Variants in NEGR1 observed in about 807,000 individuals in gnomAD.
NEGR1 encodes the protein neuronal growth regulator 1, also known as IgLON family member 4.
Under a neutral mutation model 40.9 loss-of-function variants are expected in NEGR1, and 10 were observed. That is an observed-to-expected ratio of 0.24 (90% confidence interval 0.15 to 0.42). The LOEUF (loss-of-function observed/expected upper bound fraction) is 0.42, where lower values mean the gene tolerates loss of function less well. Among genes scored for constraint, NEGR1 ranks in the 10% least tolerant of loss-of-function variants. NEGR1 has a pLI of 1.00. For missense variants in NEGR1, 352 were observed against 438.9 expected, an observed-to-expected ratio of 0.80 and a Z score of 1.77; for synonymous variants, 185 against 166.8, an observed-to-expected ratio of 1.11 and a Z score of -0.84.
chr1:71,528,836 A>T (rs1248299242), intron 6 of NEGR1, among the ~76,000 whole-genome samples: 1 of 151,260 alleles, frequency 6.6e-6, no homozygotes, highest in East Asian at 1.9e-4. Flanking sequence ...GTCAACGGGA[A>T]CTAGATTGTT....
intron 6 of NEGR1, among the ~76,000 whole-genome samples, chr1:71,559,097 T>A (rs368376863): frequency 6.7e-6 from 1 of 149,070 alleles, no homozygotes; most frequent in East Asian, 2.0e-4. Flanking sequence ...CAACATGACT[T>A]CATATTCATA....
chr1:71,552,566 A>G (rs2101470590), intron 6 of NEGR1, among the ~76,000 whole-genome samples: 1 of 148,198 alleles, frequency 6.7e-6, no homozygotes, highest in South Asian at 2.1e-4. Flanking sequence ...GATATATTCT[A>G]TATATTCTCT....
chr1:72,180,010 A>G (rs993017410), intron 1 of NEGR1, among the ~76,000 whole-genome samples: 1 of 152,100 alleles, frequency 6.6e-6, no homozygotes, highest in Non-Finnish European at 1.5e-5. Flanking sequence ...AATGGCATTT[A>G]TAACAGAAAT....
intron 1 of NEGR1, among the ~76,000 whole-genome samples, chr1:71,997,923 A>G (rs972138321): frequency 6.6e-6 from 1 of 151,946 alleles, no homozygotes; most frequent in Non-Finnish European, 1.5e-5. Context: ...ACTACCTTCT[A>G]CCTATAGTCA....
chr1:71,841,572 C>T (rs1050754225), intron 2 of NEGR1, among the ~76,000 whole-genome samples: 1 of 152,064 alleles, frequency 6.6e-6, no homozygotes, highest in African/African-American at 2.4e-5. Context: ...ACTGTCATGT[C>T]AGTATAATGT....
At chr1:71,422,710 T>G (rs2101281339) in intron 6 of NEGR1, 1 of 152,276 alleles carries the variant, frequency 6.6e-6, no homozygotes, top group Middle Eastern at 3.4e-3. Context: ...GAAAGGATTT[T>G]GTAAGTGAAA....
intron 6 of NEGR1, among the ~76,000 whole-genome samples, chr1:71,549,713 C>T (rs1214627090): frequency 6.6e-6 from 1 of 151,602 alleles, no homozygotes; most frequent in Admixed American, 6.6e-5. Flanking sequence ...AGAATTCCAG[C>T]AGTGATTGAA....
rs1055931502 is a variant in NEGR1, at chr1:71,913,260, G to A, written c.409+21819C>T. ...CCTCCAAGTAGCTGGGATAACAGGC[G>A]CCTGCCACCACGCCCAGCTAATTTT... On this transcript the variant is annotated intron_variant, in intron 2 of 6. Transcript: ENST00000357731. Among the ~76,000 whole-genome samples, 10 of 151,972 alleles carry A rather than the reference G, an allele frequency of 6.6e-5. No individual in the cohort carries two copies. The South Asian group carries it at 8.3e-4, about 13-fold the overall frequency.
intron 2 of NEGR1, among the ~76,000 whole-genome samples, chr1:71,842,418 C>T (rs961798740): frequency 2.0e-5 from 3 of 152,096 alleles, no homozygotes; most frequent in East Asian, 1.9e-4. Flanking sequence ...GCTGGAGATA[C>T]ATTTTGTTTG....
intron 1 of NEGR1, among the ~76,000 whole-genome samples, chr1:72,175,389 A>G (rs1223520248): frequency 6.6e-6 from 1 of 152,094 alleles, no homozygotes; most frequent in African/African-American, 2.4e-5. Context: ...CCAGATTCCA[A>G]TTAATGTTCT....
intron 1 of NEGR1, among the ~76,000 whole-genome samples, chr1:72,078,002 T>C (rs556367227): frequency 2.6e-5 from 4 of 152,286 alleles, no homozygotes; most frequent in Middle Eastern, 3.4e-3. Context: ...TATGGAACGA[T>C]GAATGACTAC....
intron 1 of NEGR1, among the ~76,000 whole-genome samples, chr1:72,153,796 G>A (rs1019891881): frequency 6.6e-6 from 1 of 151,750 alleles, no homozygotes; most frequent in African/African-American, 2.4e-5. Context: ...AGAAGAAAAA[G>A]GCAGAAGAAT....
At chr1:71,947,234 T>C (rs1646030325) in intron 1 of NEGR1, among the ~76,000 whole-genome samples, 1 of 150,600 alleles carries the variant, frequency 6.6e-6, no homozygotes, top group Non-Finnish European at 1.5e-5. Flanking sequence ...TGTTAATGAA[T>C]TGGTTTTATC....
intron 3 of NEGR1, among the ~76,000 whole-genome samples, chr1:71,701,034 T>C (rs938776530): frequency 3.9e-5 from 6 of 151,996 alleles, no homozygotes; most frequent in African/African-American, 1.4e-4. Context: ...AAAAATTAAT[T>C]ATCCTTTATA....
chr1:72,155,208 C>G (rs1651314650), intron 1 of NEGR1, among the ~76,000 whole-genome samples: 2 of 151,942 alleles, frequency 1.3e-5, no homozygotes, highest in South Asian at 4.1e-4. Context: ...TTTTATCCCA[C>G]TAGTGGTTCC....
chr1:71,945,060 A>G (rs925055550), intron 1 of NEGR1, among the ~76,000 whole-genome samples: 17 of 152,132 alleles, frequency 1.1e-4, no homozygotes, highest in Non-Finnish European at 1.8e-4. Flanking sequence ...AAATAGTCTC[A>G]AATTTGAGTC....
In NEGR1 at chr1:71,407,496, G is replaced by A. The variant is rs766476467; in HGVS notation, c.1015C>T (p.Leu339=). The change falls in exon 7 of 7, where the codon CTG becomes TTG. Residue 339 remains leucine, a synonymous_variant. Coordinates refer to ENST00000357731, the MANE Select transcript of NEGR1 (RefSeq NM_173808.3). ...TAGAATATGCTGGTGAAAGAGGACA[G>A]TGTCAACACAAGGTACCAGCAGGAG... ...LFSCWYLVLT[L]SSFTSIFYLK... The A allele has an allele frequency of 2.0e-5, 33 of 1,611,542 alleles. No homozygotes were observed. The highest frequency in any genetic ancestry group is 2.6e-5 in the Non-Finnish European group (31 of 1,177,980).
chr1:71,655,393 T>C (rs1200063894), intron 4 of NEGR1, among the ~76,000 whole-genome samples: 2 of 152,004 alleles, frequency 1.3e-5, no homozygotes, highest in Non-Finnish European at 2.9e-5. Context: ...TCAGATAGAG[T>C]AAAAAATAGA....
intron 1 of NEGR1, among the ~76,000 whole-genome samples, chr1:72,065,095 C>T (rs1041415508): frequency 6.6e-6 from 1 of 152,002 alleles, no homozygotes; most frequent in Non-Finnish European, 1.5e-5. Context: ...TAAAGGTATA[C>T]TTTTTCATAC....
Sources: gnomAD v4.1 joint callset for allele counts (sites outside exome capture counted in the v4.1 genomes callset) on GRCh38, gnomAD v4.1.1 for gene constraint, MANE v1.5 for transcripts, NCBI Gene and HGNC (gene_info 2026-07-23, HGNC 2026-07-21) for gene names.